KDSR: variants seen among roughly 807,000 people sequenced by gnomAD.
The protein encoded by KDSR is 3-ketodihydrosphingosine reductase.
In KDSR, 23 loss-of-function variants were observed where a neutral mutation model predicts 41.3. The ratio of observed to expected loss-of-function variants is 0.56; its 90% CI spans 0.40 to 0.79. The LOEUF (loss-of-function observed/expected upper bound fraction) is 0.79. KDSR is among the 30% of genes least tolerant of loss of function. The pLI is 0.00. For missense variants in KDSR, 351 were observed against 416.8 expected (o/e 0.84, Z 1.37); for synonymous variants, 138 against 151.7 (o/e 0.91, Z 0.66).
chr18:63,346,953 A>C (rs2615196), intron 6 of KDSR, among the ~76,000 whole-genome samples: 95,557 of 151,926 alleles, frequency 0.63, 31,497 homozygotes, highest in Admixed American at 0.73. Context: ...CTGTCATAAA[A>C]AAAAATGAGG....
chr18:63,363,219 C>CTT (rs1185123481), intron 1 of KDSR, among the ~76,000 whole-genome samples: 2 of 111,450 alleles, frequency 1.8e-5, no homozygotes, highest in Admixed American at 1.8e-4. Flanking sequence ...TTTTTTTTTT[C>CTT]TTTTTTTTTT....
intron 5 of KDSR, among the ~76,000 whole-genome samples, chr18:63,354,088 G>A (rs966643589): frequency 6.6e-5 from 10 of 151,564 alleles, no homozygotes; most frequent in African/African-American, 2.2e-4. Flanking sequence ...TTCCAGCCTG[G>A]CAGGAGACTG....
At chr18:63,356,832 G>A (rs1914809618) in intron 3 of KDSR, among the ~76,000 whole-genome samples, 1 of 152,224 alleles carries the variant, frequency 6.6e-6, no homozygotes, top group African/African-American at 2.4e-5. Context: ...GCAATTTACA[G>A]AGCTGGTGTT....
At chr18:63,341,411 C>T (rs1290283478) in intron 7 of KDSR, among the ~76,000 whole-genome samples, 1 of 139,300 alleles carries the variant, frequency 7.2e-6, no homozygotes, top group Non-Finnish European at 1.6e-5. Context: ...AAGATTTCAA[C>T]AAAAAGGTTT....
intron 1 of KDSR, chr18:63,366,027 G>C (rs1232482100): frequency 6.6e-6 from 1 of 152,226 alleles, no homozygotes; most frequent in African/African-American, 2.4e-5. Context: ...GACAGGAAGA[G>C]GTGTGCGGCC....
chr18:63,343,391 A>ATT (rs1313755437), intron 7 of KDSR, among the ~76,000 whole-genome samples: 1 of 141,510 alleles, frequency 7.1e-6, no homozygotes, highest in African/African-American at 2.6e-5. Flanking sequence ...TTTAATTTTA[A>ATT]TTTTTTTTTT....
intron 7 of KDSR, among the ~76,000 whole-genome samples, chr18:63,339,352 C>A (rs147113336): frequency 6.6e-6 from 1 of 152,356 alleles, no homozygotes; most frequent in African/African-American, 2.4e-5. Context: ...ATGAACCTGG[C>A]GCCCAAGGCA....
intron 1 of KDSR, among the ~76,000 whole-genome samples, chr18:63,365,171 C>T (rs1292485693): frequency 6.6e-6 from 1 of 152,240 alleles, no homozygotes; most frequent in East Asian, 1.9e-4. Context: ...CGATGGCTCG[C>T]GCCTGTAATC....
In KDSR at chr18:63,367,106, C is replaced by G. The variant is rs774836276; in HGVS notation, c.13G>C (p.Ala5Pro). The change falls in exon 1 of 10, where the codon GCT becomes CCT. Residue 5 changes from alanine to proline, a missense_variant. Ala to Pro is a conservative substitution (Grantham distance 27). Transcript: ENST00000645214. MLLL[A>P]AAFLVAFVLL... Reference sequence around the variant, plus strand: ...ACGAAGGCCACGAGGAAGGCGGCAGCCAGCAGCAGCATCGCTCCGCGGGGC... The same window carrying G: ...ACGAAGGCCACGAGGAAGGCGGCAGGCAGCAGCAGCATCGCTCCGCGGGGC... 1 of 1,332,142 alleles carries G rather than the reference C, an allele frequency of 7.5e-7. No individual in the cohort carries two copies. Among genetic ancestry groups the G allele is most frequent in the Non-Finnish European group, 9.6e-7 (1 of 1,037,332 alleles). The allele number at this position is 1,332,142 out of a possible 1,614,324, so 82.5% of individuals were successfully genotyped here.
intron 6 of KDSR, among the ~76,000 whole-genome samples, chr18:63,350,516 C>T (rs1893805): frequency 0.99 from 151,397 of 152,366 alleles, 75,223 homozygotes; most frequent in East Asian, 1. Flanking sequence ...ACTAATTTCA[C>T]GTATTATTCA....
At chr18:63,362,569 T>C (rs1490157166) in intron 2 of KDSR, among the ~76,000 whole-genome samples, 2 of 152,306 alleles carry the variant, frequency 1.3e-5, no homozygotes, top group Non-Finnish European at 1.5e-5. Context: ...AATATGCCAA[T>C]GGTACTAAAT....
Position 63,338,804 on chromosome 18 carries a change from G to T in KDSR, c.773C>A (p.Ala258Asp). The change falls in exon 8 of 10, where the codon GCC becomes GAC. Residue 258 changes from alanine to aspartate, a missense_variant. Physicochemically the swap from Ala to Asp is moderately radical, Grantham distance 126 (BLOSUM62 -2). Transcript: ENST00000645214. ...EQVAKQIVKDAIQGNFNSSLG... is the reference protein window; with the variant it reads ...EQVAKQIVKDDIQGNFNSSLG... ...GAAAACAAGGATTTTACTTACTATG[G>T]CATCTTTAACAATTTGTTTGGCCAC... The T allele has an allele frequency of 6.3e-7, 1 of 1,591,662 alleles. No individual in the cohort carries two copies. Among genetic ancestry groups the T allele is most frequent in the African/African-American group, 1.3e-5 (1 of 74,354 alleles).
At chr18:63,347,379 C>T (rs1035448078) in intron 6 of KDSR, among the ~76,000 whole-genome samples, 1 of 151,158 alleles carries the variant, frequency 6.6e-6, no homozygotes, top group Non-Finnish European at 1.5e-5. Flanking sequence ...ACCTGTAATC[C>T]CACCCACTTG....
intron 7 of KDSR, among the ~76,000 whole-genome samples, chr18:63,343,103 G>T (rs1328282924): frequency 1.3e-5 from 2 of 152,146 alleles, no homozygotes; most frequent in Non-Finnish European, 2.9e-5. Flanking sequence ...GGAACTGTGA[G>T]CAAATTAAAC....
intron 2 of KDSR, among the ~76,000 whole-genome samples, chr18:63,361,017 A>AATATATATAT (rs1914955461): frequency 8.4e-5 from 9 of 106,858 alleles, no homozygotes; most frequent in African/African-American, 3.4e-4. Flanking sequence ...TATATATATA[A>AATATATATAT]AATATATAAT....
At chr18:63,332,581 C>T (rs933542473) in intron 9 of KDSR, among the ~76,000 whole-genome samples, 9 of 152,148 alleles carry the variant, frequency 5.9e-5, no homozygotes, top group African/African-American at 2.2e-4. Context: ...CCTGTAATCC[C>T]AGCACTTTGG....
intron 8 of KDSR, 40 bp downstream of exon 8, chr18:63,338,760 T>C: frequency 7.7e-7 from 1 of 1,290,608 alleles, no homozygotes; most frequent in Non-Finnish European, 1.1e-6. Context: ...AATATAGTAC[T>C]ACAAACACAA....
intron 6 of KDSR, chr18:63,346,631 A>G (rs1448601813): frequency 2.6e-5 from 4 of 152,230 alleles, no homozygotes; most frequent in African/African-American, 9.6e-5. Flanking sequence ...GAACACAGAT[A>G]GCTGGGGTTG....
At chr18:63,357,586 A>AT (rs1295303190) in intron 3 of KDSR, among the ~76,000 whole-genome samples, 38 of 64,670 alleles carry the variant, frequency 5.9e-4, no homozygotes, top group African/African-American at 2.4e-3. Flanking sequence ...ATATATATAT[A>AT]TATATATATT....
Sources: gnomAD v4.1 joint callset for allele counts (sites outside exome capture counted in the v4.1 genomes callset) on GRCh38, gnomAD v4.1.1 for gene constraint, MANE v1.5 for transcripts, NCBI Gene and HGNC (gene_info 2026-07-23, HGNC 2026-07-21) for gene names.